The following HSD17B12 variants were observed in gnomAD, a reference collection of about 807,000 sequenced individuals.
HSD17B12 encodes hydroxysteroid 17-beta dehydrogenase 12, also known as very-long-chain 3-oxoacyl-CoA reductase.
A neutral mutation model predicts 39.3 loss-of-function variants in HSD17B12; 32 were observed. The observed-to-expected ratio is 0.81, with a 90% CI of 0.61 to 1.09. The LOEUF is 1.09. Among genes scored for constraint, HSD17B12 ranks in the 50% least tolerant of loss-of-function variants. HSD17B12 has a pLI of 0.00. For missense variants in HSD17B12, 342 were observed against 382.9 expected, an observed-to-expected ratio of 0.89 and a Z score of 0.89; for synonymous variants, 150 against 146.7, an observed-to-expected ratio of 1.02 and a Z score of -0.16.
intron 1 of HSD17B12, chr11:43,681,425 A>G (rs1949743314): frequency 6.4e-6 from 1 of 156,188 alleles, no homozygotes; most frequent in South Asian, 1.8e-4. Flanking sequence ...GATGCAGAGC[A>G]TTCTGTTAAC....
chr11:43,655,174 T>A, the HSD17B12 span, among the ~76,000 whole-genome samples: 10 of 152,290 alleles, frequency 6.6e-5, no homozygotes, highest in South Asian at 2.1e-4. Context: ...GCAATTGTGA[T>A]TGGGAGTTCA....
intron 8 of HSD17B12, among the ~76,000 whole-genome samples, chr11:43,839,494 T>C (rs190314947): frequency 1.3e-5 from 2 of 152,248 alleles, no homozygotes; most frequent in Non-Finnish European, 2.9e-5. Flanking sequence ...AGATTTAAGG[T>C]TGTATTATCA....
chr11:43,849,142 A>G (rs898301136), intron 9 of HSD17B12, among the ~76,000 whole-genome samples: 4 of 152,056 alleles, frequency 2.6e-5, no homozygotes, highest in Non-Finnish European at 5.9e-5. Flanking sequence ...TGTCTCTACA[A>G]AAAAATTAAA....
At chr11:43,847,414 T>C (rs1207514853) in intron 9 of HSD17B12, among the ~76,000 whole-genome samples, 1 of 152,104 alleles carries the variant, frequency 6.6e-6, no homozygotes, top group Non-Finnish European at 1.5e-5. Context: ...CCTGAAGAAA[T>C]CCTCTGGGCG....
chr11:43,660,068 C>T, the HSD17B12 span, among the ~76,000 whole-genome samples: 1 of 152,140 alleles, frequency 6.6e-6, no homozygotes, highest in African/African-American at 2.4e-5. Flanking sequence ...CTTCAATGTT[C>T]TCTGATCCAG....
chr11:43,652,764 A>G, the HSD17B12 span, among the ~76,000 whole-genome samples: 1 of 152,032 alleles, frequency 6.6e-6, no homozygotes, highest in African/African-American at 2.4e-5. Context: ...CCTCCAGGAA[A>G]CTTCACATGT....
chr11:43,581,491 C>A, the HSD17B12 span: 1 of 497,968 alleles, frequency 2.0e-6, no homozygotes. The surrounding 1 kb of genome is among the most constrained non-coding windows in gnomAD (Gnocchi z 4.9). Context: ...GCGCACTCGT[C>A]GAGAAGACGG....
chr11:43,601,441 T>C, the HSD17B12 span, among the ~76,000 whole-genome samples: 4 of 152,152 alleles, frequency 2.6e-5, no homozygotes, highest in Admixed American at 6.5e-5. Context: ...GTTAGTGATG[T>C]CTTGACTCCC....
At chr11:43,717,806 T>TC (rs1358819903) in intron 1 of HSD17B12, among the ~76,000 whole-genome samples, 18 of 62,100 alleles carry the variant, frequency 2.9e-4, no homozygotes, top group Admixed American at 1.9e-3. Flanking sequence ...TTCTTCTTCT[T>TC]TTTTTTTTTT....
At chr11:43,640,661 T>C in the HSD17B12 span, among the ~76,000 whole-genome samples, 1 of 152,024 alleles carries the variant, frequency 6.6e-6, no homozygotes, top group East Asian at 1.9e-4. Context: ...ATAAGGCTAG[T>C]TAATTATTTA....
intron 9 of HSD17B12, among the ~76,000 whole-genome samples, chr11:43,840,457 G>T (rs904969547): frequency 6.6e-6 from 1 of 151,734 alleles, no homozygotes; most frequent in African/African-American, 2.4e-5. Flanking sequence ...TTCACATATC[G>T]TGCAACCATT....
the HSD17B12 span, among the ~76,000 whole-genome samples, chr11:43,635,346 A>G: frequency 2.6e-5 from 4 of 152,246 alleles, no homozygotes; most frequent in Non-Finnish European, 4.4e-5. Context: ...AGGCAAACTC[A>G]GTGTTCTTAG....
At chr11:43,817,647 A>C (rs1039292876) in intron 6 of HSD17B12, among the ~76,000 whole-genome samples, 5 of 152,018 alleles carry the variant, frequency 3.3e-5, no homozygotes, top group Non-Finnish European at 7.4e-5. Context: ...ATTGAAGATC[A>C]GTGGGCTGTG....
chr11:43,851,936 C>T (rs951815697), intron 9 of HSD17B12: 1 of 152,206 alleles, frequency 6.6e-6, no homozygotes, highest in African/African-American at 2.4e-5. Context: ...GGCTCCTTTT[C>T]TTGGCTCCTG....
the HSD17B12 span, among the ~76,000 whole-genome samples, chr11:43,595,335 G>A: frequency 2.0e-5 from 3 of 152,218 alleles, no homozygotes; most frequent in African/African-American, 7.2e-5. Context: ...AAAGGGTTTA[G>A]CCCAGTCTAA....
At chr11:43,669,135 G>A in the HSD17B12 span, among the ~76,000 whole-genome samples, 1 of 151,416 alleles carries the variant, frequency 6.6e-6, no homozygotes, top group Non-Finnish European at 1.5e-5. Context: ...GCAAATTCCA[G>A]AAAACTACCC....
chr11:43,612,179 G>A, the HSD17B12 span, among the ~76,000 whole-genome samples: 1 of 152,170 alleles, frequency 6.6e-6, no homozygotes, highest in South Asian at 2.1e-4. Flanking sequence ...TACTTTGAAA[G>A]CTGTATTTAT....
chr11:43,603,206 G>A, the HSD17B12 span, among the ~76,000 whole-genome samples: 1 of 152,160 alleles, frequency 6.6e-6, no homozygotes, highest in Non-Finnish European at 1.5e-5. Flanking sequence ...TCAGAGGACA[G>A]TAATATCTGA....
At chr11:43,735,107 C>T (rs958867391) in intron 1 of HSD17B12, among the ~76,000 whole-genome samples, 6 of 152,104 alleles carry the variant, frequency 3.9e-5, no homozygotes, top group Non-Finnish European at 7.3e-5. Flanking sequence ...GTACTTAATC[C>T]CTTTTTGTGG....
Sources: allele counts gnomAD v4.1 joint callset (sites outside exome capture counted in the v4.1 genomes callset), GRCh38; gene constraint gnomAD v4.1.1; non-coding constraint Gnocchi (gnomAD v3.1); transcripts MANE v1.5; gene names NCBI Gene and HGNC (gene_info 2026-07-23, HGNC 2026-07-21).